KCND3: variants seen among roughly 807,000 people sequenced by gnomAD.
The protein encoded by KCND3 is A-type voltage-gated potassium channel KCND3.
A neutral mutation model predicts 51.1 loss-of-function variants in KCND3; 9 were observed. That is an observed-to-expected ratio of 0.18 (90% CI 0.11 to 0.31). The LOEUF (loss-of-function observed/expected upper bound fraction) is 0.31, where lower values mean the gene tolerates loss of function less well. Among genes scored for constraint, KCND3 ranks in the 10% least tolerant of loss-of-function variants. The pLI is 1.00. For missense variants in KCND3, 526 were observed against 903.8 expected, an observed-to-expected ratio of 0.58 and a Z score of 5.36; for synonymous variants, 349 against 368.0, an observed-to-expected ratio of 0.95 and a Z score of 0.59.
At chr1:111,849,891 G>A (rs1667729391) in intron 2 of KCND3, among the ~76,000 whole-genome samples, 2 of 152,022 alleles carry the variant, frequency 1.3e-5, no homozygotes, top group South Asian at 4.1e-4. Context: ...CCTGTATGAT[G>A]CTCCAGCCCT....
At chr1:111,954,316 T>G (rs1423785047) in intron 2 of KCND3, among the ~76,000 whole-genome samples, 1 of 152,176 alleles carries the variant, frequency 6.6e-6, no homozygotes, top group Non-Finnish European at 1.5e-5. Flanking sequence ...GAGCTAACTG[T>G]GCCCGCTACC....
rs1357095199 is a variant in KCND3, at chr1:111,771,251, A to G, written c.*4826T>C. The G allele has an allele frequency of 6.6e-6, 1 of 152,140 alleles. No homozygotes were observed. The highest frequency in any genetic ancestry group is 2.4e-5 in the African/African-American group (1 of 41,418). The allele number at this position is 152,140 out of a possible 1,614,324, so 9.4% of individuals were successfully genotyped here. A position where few individuals can be genotyped will look rare whatever the true frequency, so the allele number is the denominator to read the frequency against. On this transcript the variant is annotated 3_prime_UTR_variant, in exon 8 of 8. Transcript: ENST00000302127. Reference sequence around the variant, plus strand: ...AAAGCTGTTTCATTTTCTGATAGCCACTTTCTCTTAGTTTTAATGATGCTC... The same window carrying G: ...AAAGCTGTTTCATTTTCTGATAGCCGCTTTCTCTTAGTTTTAATGATGCTC...
At position 111,879,474 on chromosome 1, in the gene KCND3, C is replaced by T. The variant is rs146336920; in HGVS notation, c.1107-92368G>A. 6.1e-3 allele frequency among the ~76,000 whole-genome samples: 933 copies of T among 152,318 alleles called. 8 individuals are homozygous for T. The highest frequency in any genetic ancestry group is 0.021 in the African/African-American group (890 of 41,572). Reference sequence around the variant, plus strand: ...TCTGGCCAAATATTTCTAGATATGGCCTGTTTTTCAAAGCTTGAAATTAAA... The same window carrying T: ...TCTGGCCAAATATTTCTAGATATGGTCTGTTTTTCAAAGCTTGAAATTAAA... On this transcript the variant is annotated intron_variant, in intron 2 of 7. Transcript: ENST00000302127.
intron 2 of KCND3, among the ~76,000 whole-genome samples, chr1:111,797,783 G>A (rs1374546612): frequency 6.6e-6 from 1 of 152,198 alleles, no homozygotes; most frequent in Admixed American, 6.5e-5. Context: ...GTAGTCACAT[G>A]AAGATTCTTC....
chr1:111,786,068 C>T (rs1405969117), intron 3 of KCND3, among the ~76,000 whole-genome samples: 2 of 152,204 alleles, frequency 1.3e-5, no homozygotes, highest in Admixed American at 6.5e-5. Context: ...CACAGTTCAG[C>T]CCAGATCTGA....
chr1:111,860,943 G>A (rs899707728), intron 2 of KCND3, among the ~76,000 whole-genome samples: 2 of 152,180 alleles, frequency 1.3e-5, no homozygotes, highest in African/African-American at 4.8e-5. Flanking sequence ...TCCCAGCAAG[G>A]AAGTCCTCCT....
At chr1:111,842,061 G>A (rs1477632253) in intron 2 of KCND3, among the ~76,000 whole-genome samples, 2 of 152,194 alleles carry the variant, frequency 1.3e-5, no homozygotes, top group African/African-American at 4.8e-5. Context: ...GAGAGGGAAG[G>A]CAGCTGGGAA....
intron 3 of KCND3, among the ~76,000 whole-genome samples, chr1:111,783,949 C>T (rs1571631731): frequency 6.6e-6 from 1 of 152,160 alleles, no homozygotes; most frequent in Admixed American, 6.5e-5. Context: ...GAAATTAAAA[C>T]ATTTATAAAT....
chr1:111,804,061 G>A lies in KCND3; in HGVS notation c.1107-16955C>T, dbSNP rs148208736. The stretch of plus-strand genomic sequence containing the variant: ...GGCAGGCATCAATGGCCACTAGACC[G>A]AGCTGCCCAGCCCTTCCCCTTGGAC... On this transcript the variant is annotated intron_variant, in intron 2 of 7. Transcript: ENST00000302127. 1.6e-3 allele frequency among the ~76,000 whole-genome samples: 243 copies of A among 152,260 alleles called. 1 individual carries two copies. The highest frequency in any genetic ancestry group is 5.7e-3 in the African/African-American group (237 of 41,556).
At chr1:111,932,551 T>C (rs1046722466) in intron 2 of KCND3, among the ~76,000 whole-genome samples, 18 of 152,242 alleles carry the variant, frequency 1.2e-4, no homozygotes, top group African/African-American at 4.1e-4. Context: ...ACTCAGCTCC[T>C]GGCAGCCACC....
chr1:111,989,600 G>T lies in KCND3; in HGVS notation c.-168C>A, dbSNP rs1675520597. Among the ~76,000 whole-genome samples, 1 of 147,788 alleles carries T rather than the reference G, an allele frequency of 6.8e-6. No individual in the cohort carries two copies. Among genetic ancestry groups the T allele is most frequent in the South Asian group, 2.1e-4 (1 of 4,820 alleles). ...GGGCCGCGGAGGCGCCGAGCGCCCA[G>T]CAGCGCGGGGAAGCGCCCAGCAGCC... On this transcript the variant is annotated 5_prime_UTR_variant, in exon 1 of 8. It adds an upstream start codon to the 5' untranslated region. Transcript: ENST00000302127.
chr1:111,923,822 G>T (rs751062620), intron 2 of KCND3, among the ~76,000 whole-genome samples: 3 of 152,182 alleles, frequency 2.0e-5, no homozygotes, highest in Non-Finnish European at 4.4e-5. Context: ...CCACCACACT[G>T]GTAGGTAAAT....
At chr1:111,816,955 G>GC (rs1666118512) in intron 2 of KCND3, among the ~76,000 whole-genome samples, 2 of 152,154 alleles carry the variant, frequency 1.3e-5, no homozygotes, top group African/African-American at 4.8e-5. Context: ...GGGTGCATCT[G>GC]CCTACACACC....
At chr1:111,821,580 G>A (rs1230666950) in intron 2 of KCND3, among the ~76,000 whole-genome samples, 1 of 152,198 alleles carries the variant, frequency 6.6e-6, no homozygotes, top group Non-Finnish European at 1.5e-5. Context: ...GGTTGCTCTG[G>A]GATTTGGCTT....
chr1:111,975,798 A>T (rs1674596460), intron 2 of KCND3, among the ~76,000 whole-genome samples: 1 of 152,282 alleles, frequency 6.6e-6, no homozygotes, highest in South Asian at 2.1e-4. Flanking sequence ...TACTTTTTCA[A>T]GAACAGCACA....
rs1044806847 is a variant in KCND3, at chr1:111,771,400, T to A, written c.*4677A>T. 20 of 152,184 alleles carry A rather than the reference T, an allele frequency of 1.3e-4. No individual in the cohort carries two copies. Among genetic ancestry groups the A allele is most frequent in the African/African-American group, 3.9e-4 (16 of 41,444 alleles). The allele number at this position is 152,184 out of a possible 1,614,324, so 9.4% of individuals were successfully genotyped here. ...GAAATCAGAAAGAGAAAATAAAAGT[T>A]TGTCATGGTTACCATGCCAAGTAGT... On this transcript the variant is annotated 3_prime_UTR_variant, in exon 8 of 8. Transcript: ENST00000302127.
At chr1:111,811,218 C>A (rs1224290945) in intron 2 of KCND3, among the ~76,000 whole-genome samples, 1 of 152,166 alleles carries the variant, frequency 6.6e-6, no homozygotes, top group East Asian at 1.9e-4. Context: ...TCTGCTCAGA[C>A]AGAGGAAGAA....
intron 2 of KCND3, among the ~76,000 whole-genome samples, chr1:111,886,818 G>C (rs569148773): frequency 6.6e-6 from 1 of 152,322 alleles, no homozygotes; most frequent in Non-Finnish European, 1.5e-5. Flanking sequence ...GTAGACGGTG[G>C]ATTTGTGTGA....
At chr1:111,799,738 C>T (rs1466854744) in intron 2 of KCND3, among the ~76,000 whole-genome samples, 1 of 152,186 alleles carries the variant, frequency 6.6e-6, no homozygotes, top group Admixed American at 6.5e-5. Flanking sequence ...CTGCACAGCT[C>T]CTAGGAAAAA....
Sources: gnomAD v4.1 joint callset for allele counts (sites outside exome capture counted in the v4.1 genomes callset) on GRCh38, gnomAD v4.1.1 for gene constraint, MANE v1.5 for transcripts, NCBI Gene and HGNC (gene_info 2026-07-23, HGNC 2026-07-21) for gene names.